ASCC3: variants seen among roughly 807,000 people sequenced by gnomAD.
ASCC3 encodes the protein ASC-1 complex subunit P200.
Under a neutral mutation model 256.3 loss-of-function variants are expected in ASCC3, and 158 were observed. The ratio of observed to expected loss-of-function variants is 0.62; its 90% CI spans 0.54 to 0.70. ASCC3 has a LOEUF of 0.70. Among genes scored for constraint, ASCC3 ranks in the 30% least tolerant of loss-of-function variants. The pLI, the probability that ASCC3 is intolerant of heterozygous loss-of-function variation, is 0.00. For synonymous variants in ASCC3, 948 were observed against 883.4 expected, an observed-to-expected ratio of 1.07 and a Z score of -1.30; for missense variants, 2,259 against 2,626.0, an observed-to-expected ratio of 0.86 and a Z score of 3.05.
chr6:100,769,195 T>C (rs1322274778), intron 8 of ASCC3, among the ~76,000 whole-genome samples: 1 of 152,016 alleles, frequency 6.6e-6, no homozygotes, highest in Non-Finnish European at 1.5e-5. Flanking sequence ...GAGAGTATAA[T>C]AGTGGTTACC....
chr6:100,633,544 T>C (rs1233591927), intron 25 of ASCC3, among the ~76,000 whole-genome samples: 1 of 151,992 alleles, frequency 6.6e-6, no homozygotes, highest in East Asian at 1.9e-4. Context: ...ACATTCTATC[T>C]GTGAAATCAT....
chr6:100,762,351 G>C (rs1348245156), intron 10 of ASCC3, among the ~76,000 whole-genome samples: 1 of 152,188 alleles, frequency 6.6e-6, no homozygotes, highest in Non-Finnish European at 1.5e-5. Context: ...TCTCTAACCA[G>C]TGTTTTCACT....
At chr6:100,590,703 G>T (rs1279478819) in intron 34 of ASCC3, among the ~76,000 whole-genome samples, 1 of 152,048 alleles carries the variant, frequency 6.6e-6, no homozygotes, top group African/African-American at 2.4e-5. Flanking sequence ...GACTAGGAAG[G>T]GAATATTCAT....
At chr6:100,807,802 A>C (rs1180819817) in intron 4 of ASCC3, among the ~76,000 whole-genome samples, 1 of 148,226 alleles carries the variant, frequency 6.7e-6, no homozygotes, top group Non-Finnish European at 1.5e-5. Flanking sequence ...CAAAAGGGGA[A>C]GTATGTATAA....
chr6:100,715,431 A>G (rs747393878), intron 13 of ASCC3, 31 bp downstream of exon 13: 7 of 1,567,636 alleles, frequency 4.5e-6, no homozygotes, highest in South Asian at 4.5e-5. Flanking sequence ...AAGCAGATAA[A>G]TAAGTGTAAA....
At chr6:100,841,341 T>G (rs1772135398) in intron 4 of ASCC3, among the ~76,000 whole-genome samples, 1 of 151,998 alleles carries the variant, frequency 6.6e-6, no homozygotes. Context: ...TTGAGAAATA[T>G]TTTTTTAAAA....
At chr6:100,650,295 A>G (rs533682705) in intron 20 of ASCC3, among the ~76,000 whole-genome samples, 1 of 151,736 alleles carries the variant, frequency 6.6e-6, no homozygotes, top group East Asian at 1.9e-4. Context: ...TCATTTTAAA[A>G]CTTTGTAAGA....
chr6:100,707,388 G>GA (rs527404839), intron 13 of ASCC3, among the ~76,000 whole-genome samples: 3 of 151,338 alleles, frequency 2.0e-5, no homozygotes, highest in Non-Finnish European at 4.4e-5. Context: ...AGGAATAAAA[G>GA]AAAAAAAATT....
intron 13 of ASCC3, among the ~76,000 whole-genome samples, chr6:100,687,966 T>C (rs1365931286): frequency 1.3e-5 from 2 of 150,978 alleles, no homozygotes; most frequent in Admixed American, 6.6e-5. Context: ...AAAAATTATA[T>C]ACTAAGATAA....
chr6:100,534,154 G>A (rs1775051973), intron 37 of ASCC3, among the ~76,000 whole-genome samples: 1 of 152,190 alleles, frequency 6.6e-6, no homozygotes, highest in Non-Finnish European at 1.5e-5. Context: ...TGAGGTGGGA[G>A]AATCCATTGA....
intron 29 of ASCC3, among the ~76,000 whole-genome samples, chr6:100,627,233 T>C (rs1288647709): frequency 2.0e-5 from 3 of 152,152 alleles, no homozygotes; most frequent in African/African-American, 7.2e-5. Context: ...TTTCTAAGTT[T>C]TATGATTTCT....
In ASCC3 at chr6:100,823,685, C is replaced by T. The variant is rs1771163670; in HGVS notation, c.802-17805G>A. 2.0e-5 allele frequency among the ~76,000 whole-genome samples: 3 copies of T among 151,994 alleles called. No individual in the cohort carries two copies. The South Asian group carries it at 6.2e-4, about 32-fold the overall frequency. On this transcript the variant is annotated intron_variant, in intron 4 of 41. Coordinates refer to ENST00000369162, the MANE Select transcript of ASCC3 (RefSeq NM_006828.4). ...TTTTCATAAAATTCATGAATAGAAA[C>T]AGTCAAAAAATCAACCAAAAGACTC...
chr6:100,817,631 G>C (rs1033413441), intron 4 of ASCC3, among the ~76,000 whole-genome samples: 4 of 151,772 alleles, frequency 2.6e-5, no homozygotes, highest in Non-Finnish European at 4.4e-5. Context: ...GATTATACAG[G>C]AATGCTATAA....
At chr6:100,826,152 G>C (rs72947063) in intron 4 of ASCC3, among the ~76,000 whole-genome samples, 2 of 149,870 alleles carry the variant, frequency 1.3e-5, no homozygotes, top group Non-Finnish European at 3.0e-5. Flanking sequence ...TTCATTTTTT[G>C]AGACAGTCTC....
At chr6:100,766,881 T>C (rs1781682904) in intron 9 of ASCC3, among the ~76,000 whole-genome samples, 176 bp from the exon 10 acceptor site, 2 of 152,216 alleles carry the variant, frequency 1.3e-5, no homozygotes, top group Admixed American at 1.3e-4. Flanking sequence ...GTGTAGCTGT[T>C]TAAAGGACAA....
At chr6:100,801,163 T>A in intron 5 of ASCC3, among the ~76,000 whole-genome samples, 1 of 152,102 alleles carries the variant, frequency 6.6e-6, no homozygotes, top group East Asian at 1.9e-4. Context: ...GTCAACTCAA[T>A]ATTGAGAAAA....
chr6:100,560,094 G>A (rs1265527199), intron 36 of ASCC3, among the ~76,000 whole-genome samples: 2 of 152,068 alleles, frequency 1.3e-5, no homozygotes, highest in Non-Finnish European at 2.9e-5. Flanking sequence ...TGTCTTTCTG[G>A]TAATATATGT....
rs750328799 is a variant in ASCC3 at position 100,848,222 on chromosome 6, T to C, written c.727A>G (p.Arg243Gly). The change falls in exon 4 of 42, where the codon AGA (arginine) becomes GGA (glycine). Residue 243 changes from arginine (R) to glycine (G), a missense_variant. Around this residue, in one of 2 missense-constraint regions of ASCC3, gnomAD observed 420 missense variants for 419.3 expected, o/e 1.00. Coordinates refer to ENST00000369162, the MANE Select transcript of ASCC3 (RefSeq NM_006828.4). The stretch of plus-strand genomic sequence containing the variant: ...AAAGTACAGCAAAGATCTTCTACTC[T>C]TGGCACTTCAGTCATTTCCTTCAAA... ...STLKEMTEVP[R>G]VEDLCCTLYD... is the part of the protein sequence containing the mutation. The C allele has an allele frequency of 1.2e-6, 2 of 1,613,930 alleles. No individual in the cohort carries two copies. Among genetic ancestry groups the C allele is most frequent in the Non-Finnish European group, 1.7e-6 (2 of 1,179,942 alleles).
chr6:100,713,277 C>T (rs1012772352), intron 13 of ASCC3, among the ~76,000 whole-genome samples: 5 of 151,990 alleles, frequency 3.3e-5, no homozygotes, highest in Non-Finnish European at 5.9e-5. Context: ...AAAAGACATG[C>T]GGAACCTAGA....
Sources: gnomAD v4.1 joint callset for allele counts (sites outside exome capture counted in the v4.1 genomes callset) on GRCh38, gnomAD v4.1.1 for gene constraint, gnomAD v4.1.1 regional missense constraint, MANE v1.5 for transcripts, NCBI Gene and HGNC (gene_info 2026-07-23, HGNC 2026-07-21) for gene names.